Variants in C3orf22 observed in about 807,000 individuals in gnomAD.
C3orf22 encodes the protein uncharacterized protein C3orf22.
In C3orf22, 7 loss-of-function variants were observed where a neutral mutation model predicts 10.8. The ratio of observed to expected loss-of-function variants is 0.65; its 90% CI spans 0.37 to 1.22. C3orf22 has a LOEUF of 1.22. Among genes scored for constraint, C3orf22 ranks in the 50% most tolerant of loss-of-function variants. The pLI is 0.02. For missense variants in C3orf22, 173 were observed against 177.0 expected (o/e 0.98, Z 0.13); for synonymous variants, 79 against 78.9 (o/e 1.00, Z 0.00).
chr3:126,557,809 G>C (rs541035126), intron 1 of C3orf22, among the ~76,000 whole-genome samples: 16 of 152,340 alleles, frequency 1.1e-4, no homozygotes, highest in Non-Finnish European at 2.2e-4. Flanking sequence ...CTGAAGGGCA[G>C]GCTTCCCCAC....
intron 1 of C3orf22, among the ~76,000 whole-genome samples, chr3:126,554,259 GTTGTTTT>G (rs774271882): frequency 0.052 from 6,698 of 129,198 alleles, 224 homozygotes; most frequent in South Asian, 0.14. Context: ...TTGTTTTTCT[GTTGTTTT>G]TTTTTTTTTT....
Position 126,550,067 on chromosome 3 carries a change from G to A in C3orf22, c.227C>T (p.Pro76Leu), listed in dbSNP as rs1270856459. ...RSIPVRGLGA[P>L]DFTSPSGSCP... ...GGAGCCAGACGGTGATGTAAAATCTGGAGCCCCGAGCCTAGAGAAGCCACA... is the reference window on the plus strand; with the variant it reads ...GGAGCCAGACGGTGATGTAAAATCTAGAGCCCCGAGCCTAGAGAAGCCACA... Residue 76 changes from proline to leucine, a missense_variant, in exon 4 of 4, where the codon CCA (proline) becomes CTA (leucine). Transcript: ENST00000318225. 2.5e-6 allele frequency: 4 copies of A among 1,613,846 alleles called. No homozygotes were observed. In the Middle Eastern group the frequency reaches 5.0e-4, roughly 200 times the overall value.
chr3:126,548,008 T>C (rs569708277), downstream of C3orf22, among the ~76,000 whole-genome samples: 5 of 152,346 alleles, frequency 3.3e-5, no homozygotes, highest in East Asian at 7.7e-4. Context: ...CACAGTCTTA[T>C]ATAATTGAAA....
At chr3:126,539,936 A>G (rs984436304) in intron 4 of C3orf22, among the ~76,000 whole-genome samples, 4 of 147,724 alleles carry the variant, frequency 2.7e-5, no homozygotes, top group Admixed American at 1.4e-4. Flanking sequence ...CACCCGCCAC[A>G]CATGCCACAC....
chr3:126,551,414 C>T (rs1937184023), intron 3 of C3orf22, among the ~76,000 whole-genome samples: 1 of 152,190 alleles, frequency 6.6e-6, no homozygotes, highest in Admixed American at 6.5e-5. Context: ...AGGTCAGAAG[C>T]TCTGTTTCTT....
At chr3:126,536,326 C>T in intron 4 of C3orf22, 1 of 1,613,986 alleles carries the variant, frequency 6.2e-7, no homozygotes. Flanking sequence ...AGAGAAGCCC[C>T]CTGCAGAAGC....
chr3:126,536,169 T>G, intron 4 of C3orf22: 1 of 879,296 alleles, frequency 1.1e-6, no homozygotes, highest in Non-Finnish European at 1.9e-6. Flanking sequence ...GGAAATTGAG[T>G]GCCAGAGGTG....
downstream of C3orf22, among the ~76,000 whole-genome samples, chr3:126,546,251 C>A (rs575405074): frequency 2.6e-5 from 4 of 152,208 alleles, no homozygotes; most frequent in Non-Finnish European, 4.4e-5. Flanking sequence ...GCAGTCCTCA[C>A]CTACATCTGT....
chr3:126,530,597 T>TGGCCC (rs1936637186), intron 4 of C3orf22, among the ~76,000 whole-genome samples: 1 of 152,242 alleles, frequency 6.6e-6, no homozygotes, highest in African/African-American at 2.4e-5. Context: ...ATGGGTTGCC[T>TGGCCC]GGCCCTGCCC....
chr3:126,541,957 G>A, intron 4 of C3orf22: 3 of 1,585,268 alleles, frequency 1.9e-6, no homozygotes, highest in Non-Finnish European at 2.6e-6. Context: ...GCGGCGACCC[G>A]CGCGCCATCT....
At chr3:126,545,005 C>T (rs1467827577), downstream of C3orf22, among the ~76,000 whole-genome samples, 1 of 152,256 alleles carries the variant, frequency 6.6e-6, no homozygotes, top group Non-Finnish European at 1.5e-5. Flanking sequence ...GGCCTGTTTC[C>T]TCTCTGGCTG....
At chr3:126,527,367 G>C (rs1420642656) in exon 6 of C3orf22, 4 of 152,296 alleles carry the variant, frequency 2.6e-5, no homozygotes, top group Non-Finnish European at 5.9e-5. Context: ...GCCTCGGACA[G>C]GCATAGATCT....
chr3:126,537,001 A>G (rs144807187), intron 4 of C3orf22, among the ~76,000 whole-genome samples: 1 of 152,104 alleles, frequency 6.6e-6, no homozygotes, highest in Non-Finnish European at 1.5e-5. Flanking sequence ...GGATGCTGAG[A>G]TCCAGCAGCA....
intron 4 of C3orf22, among the ~76,000 whole-genome samples, chr3:126,539,797 ACAC>A (rs150955130): frequency 0.18 from 10,318 of 58,200 alleles, 1,246 homozygotes; most frequent in African/African-American, 0.21. Context: ...CACACCACAG[ACAC>A]CACACCACAC....
rs11914748 is a variant in C3orf22 at position 126,558,740 on chromosome 3, T to G, written c.-154A>C. On this transcript the variant is annotated 5_prime_UTR_variant, in exon 1 of 4. Transcript: ENST00000318225. ...TGAGAGCCGCTGTGGCCCCCGAGGC[T>G]GGCAGGGCCCTGGCTACAGCCCTCT... 0.37 allele frequency: 56,206 copies of G among 152,524 alleles called. 10,577 individuals are homozygous for G. Among genetic ancestry groups the G allele is most frequent in the Non-Finnish European group, 0.41 (27,948 of 68,260 alleles). 9.4% of individuals were successfully genotyped at this position (152,524 alleles called of 1,614,324 possible).
At chr3:126,538,205 C>T (rs58866773) in intron 4 of C3orf22, among the ~76,000 whole-genome samples, 28 of 152,250 alleles carry the variant, frequency 1.8e-4, no homozygotes, top group Admixed American at 1.3e-4. Flanking sequence ...CTGAGCTGCT[C>T]GGAGACTGGC....
intron 3 of C3orf22, 152 bp from the exon 4 acceptor site, chr3:126,550,230 G>C: frequency 1.2e-6 from 1 of 804,714 alleles, no homozygotes; most frequent in Non-Finnish European, 1.9e-6. Context: ...TCCACACAGA[G>C]GCTCTGCCAC....
chr3:126,537,626 C>T (rs1308536954), intron 4 of C3orf22, among the ~76,000 whole-genome samples: 1 of 152,184 alleles, frequency 6.6e-6, no homozygotes, highest in Non-Finnish European at 1.5e-5. Flanking sequence ...GACAGGCACT[C>T]AGTAGGGCCC....
intron 1 of C3orf22, among the ~76,000 whole-genome samples, chr3:126,557,003 T>G (rs116321856): frequency 4.5e-5 from 2 of 44,060 alleles, no homozygotes; most frequent in African/African-American, 7.5e-5. Flanking sequence ...CATAGACACA[T>G]ACACACAGAC....
Sources: gnomAD v4.1 joint callset for allele counts (sites outside exome capture counted in the v4.1 genomes callset) on GRCh38, gnomAD v4.1.1 for gene constraint, MANE v1.5 for transcripts, NCBI Gene and HGNC (gene_info 2026-07-23, HGNC 2026-07-21) for gene names.